Variants in FAT3 observed in about 807,000 individuals in gnomAD.
FAT3 encodes protocadherin Fat 3.
In FAT3, 95 loss-of-function variants were observed where a neutral mutation model predicts 310.2. The observed-to-expected ratio is 0.31, with a 90% CI of 0.26 to 0.36. FAT3 has a LOEUF of 0.36. Ranked by LOEUF, FAT3 falls within the 10% of genes least tolerant of loss-of-function variation. The pLI, the probability that FAT3 is intolerant of heterozygous loss-of-function variation, is 1.00. For synonymous variants in FAT3, 2,314 were observed against 2,192.9 expected (o/e 1.06, Z -1.54); for missense variants, 5,408 against 5,715.6 (o/e 0.95, Z 1.74).
At chr11:92,315,489 A>ATT (rs1947421907) in intron 1 of FAT3, among the ~76,000 whole-genome samples, 1 of 72,256 alleles carries the variant, frequency 1.4e-5, no homozygotes, top group Non-Finnish European at 2.7e-5. Flanking sequence ...GTATATATAT[A>ATT]TATATATATA....
chr11:92,854,328 C>A (rs560460496), intron 19 of FAT3, among the ~76,000 whole-genome samples: 1 of 152,220 alleles, frequency 6.6e-6, no homozygotes, highest in South Asian at 2.1e-4. Flanking sequence ...TCCAAGAGTG[C>A]AGGGATGCCC....
At chr11:92,626,269 A>G (rs921639731) in intron 3 of FAT3, among the ~76,000 whole-genome samples, 5 of 152,216 alleles carry the variant, frequency 3.3e-5, no homozygotes, top group South Asian at 2.1e-4. Flanking sequence ...GATAATTGAG[A>G]TAATAGTTTC....
At chr11:92,506,838 T>C (rs1371609843) in intron 2 of FAT3, among the ~76,000 whole-genome samples, 1 of 152,186 alleles carries the variant, frequency 6.6e-6, no homozygotes, top group Non-Finnish European at 1.5e-5. Context: ...CAGCTTACGA[T>C]CACTAAGCAC....
chr11:92,230,114 A>C (rs1726030289), intron 1 of FAT3, among the ~76,000 whole-genome samples: 1 of 152,162 alleles, frequency 6.6e-6, no homozygotes, highest in African/African-American at 2.4e-5. Flanking sequence ...CTGCTCTTCC[A>C]GGGTTCCAAA....
chr11:92,561,855 G>A (rs1479152179), intron 3 of FAT3, among the ~76,000 whole-genome samples: 1 of 151,994 alleles, frequency 6.6e-6, no homozygotes, highest in Admixed American at 6.6e-5. Flanking sequence ...CGAACACCTG[G>A]CCTCAAGTGA....
intron 3 of FAT3, among the ~76,000 whole-genome samples, chr11:92,604,121 G>A (rs1940162920): frequency 6.6e-6 from 1 of 152,170 alleles, no homozygotes; most frequent in Non-Finnish European, 1.5e-5. Flanking sequence ...TCTTTTGTGA[G>A]TGCCCATCAG....
intron 3 of FAT3, among the ~76,000 whole-genome samples, chr11:92,612,388 G>C (rs754301081): frequency 1.3e-5 from 2 of 152,202 alleles, no homozygotes; most frequent in Non-Finnish European, 2.9e-5. Flanking sequence ...AGAAGAATAA[G>C]AGAATGTTGG....
chr11:92,796,764 A>G (rs952110811), intron 9 of FAT3, among the ~76,000 whole-genome samples: 1 of 152,182 alleles, frequency 6.6e-6, no homozygotes, highest in Non-Finnish European at 1.5e-5. Flanking sequence ...CAGCTCTGTC[A>G]CCACCTACCT....
At chr11:92,511,142 A>G (rs1216341434) in intron 2 of FAT3, among the ~76,000 whole-genome samples, 1 of 152,214 alleles carries the variant, frequency 6.6e-6, no homozygotes, top group Non-Finnish European at 1.5e-5. Context: ...TGAGGATATT[A>G]TCATGACTCC....
Position 92,734,710 on chromosome 11 carries a change from A to G in FAT3, c.3670-27146A>G, listed in dbSNP as rs575741681. ...TCAGGGAGAAAAAGGAACAATGTAT[A>G]TATTCCAGAGAGAAGGAACAAGGTG... On this transcript the variant is annotated intron_variant, in intron 4 of 27. Transcript: ENST00000525166. Among the ~76,000 whole-genome samples, 59 of 152,308 alleles carry G rather than the reference A, an allele frequency of 3.9e-4. 1 individual carries two copies. Among genetic ancestry groups the G allele is most frequent in the Non-Finnish European group, 7.8e-4 (53 of 68,030 alleles).
intron 4 of FAT3, among the ~76,000 whole-genome samples, chr11:92,708,460 G>A (rs532862897): frequency 9.9e-5 from 15 of 152,234 alleles, no homozygotes; most frequent in African/African-American, 2.6e-4. Flanking sequence ...CTAAACCTCC[G>A]TCTCTTTACC....
intron 3 of FAT3, among the ~76,000 whole-genome samples, chr11:92,620,897 T>A (rs1941055834): frequency 6.6e-6 from 1 of 152,186 alleles, no homozygotes; most frequent in Non-Finnish European, 1.5e-5. Flanking sequence ...TTTTCCTGGA[T>A]TGCAGAGAGC....
At chr11:92,315,489 A>ATATATT (rs1947421996) in intron 1 of FAT3, among the ~76,000 whole-genome samples, 1 of 72,256 alleles carries the variant, frequency 1.4e-5, no homozygotes, top group Admixed American at 1.5e-4. Context: ...GTATATATAT[A>ATATATT]TATATATATA....
intron 4 of FAT3, among the ~76,000 whole-genome samples, chr11:92,724,886 G>A (rs113574902): frequency 1.1e-4 from 16 of 152,262 alleles, no homozygotes; most frequent in African/African-American, 3.6e-4. Flanking sequence ...TTACAGTGGC[G>A]TGGTTACTTC....
At chr11:92,867,667 CCTTACTAGAAGCTAAAG>C (rs1949283048) in intron 22 of FAT3, among the ~76,000 whole-genome samples, 2 of 152,088 alleles carry the variant, frequency 1.3e-5, no homozygotes, top group South Asian at 2.1e-4. Flanking sequence ...AGACTTACAA[CCTTACTAGAAGCTAAAG>C]CTTACTAGAA....
In FAT3 at chr11:92,801,631, G is replaced by A; in HGVS notation, c.8618G>A (p.Gly2873Asp). The change falls in exon 10 of 28, where the codon GGC becomes GAC. Residue 2873 changes from glycine (G) to aspartate (D), a missense_variant. By Grantham distance (94) the Gly-to-Asp change is moderately conservative (BLOSUM62 -1). This residue lies in a region of FAT3 where 4,588 missense variants were observed against 4,809.8 expected (regional missense o/e 0.95). Transcript: ENST00000525166. ...MEAFNIDSNT[G>D]WISTLKDLDH... ...GCATTCAATATTGACAGCAACACGG[G>A]CTGGATCAGTACCTTGAAGGACCTA... 6.2e-7 allele frequency: 1 copy of A among 1,613,724 alleles called. No individual in the cohort carries two copies. Among genetic ancestry groups the A allele is most frequent in the Non-Finnish European group, 8.5e-7 (1 of 1,179,808 alleles).
At chr11:92,390,150 T>C (rs1207816554) in intron 2 of FAT3, among the ~76,000 whole-genome samples, 1 of 152,126 alleles carries the variant, frequency 6.6e-6, no homozygotes, top group African/African-American at 2.4e-5. Flanking sequence ...AAAAATAAAG[T>C]TCTTGTAAAG....
chr11:92,867,094 C>T lies in FAT3; in HGVS notation c.12012C>T (p.Ser4004=), dbSNP rs963711738. 6.3e-7 allele frequency: 1 copy of T among 1,598,728 alleles called. No homozygotes were observed. The highest frequency in any genetic ancestry group is 8.5e-7 in the Non-Finnish European group (1 of 1,173,186). ...NELPLQNKRS[S]FAEVVGLTEL... ...TGCCGCTGCAGAACAAGCGCAGCAG[C>T]TTCGCGGAGGTGGTGGGCCTGACGG... Residue 4004 remains serine, a synonymous_variant, in exon 22 of 28, where the codon AGC becomes AGT. Coordinates refer to ENST00000525166, the MANE Select transcript of FAT3 (RefSeq NM_001367949.2).
intron 2 of FAT3, among the ~76,000 whole-genome samples, chr11:92,435,644 C>A (rs1159338676): frequency 6.7e-6 from 1 of 149,912 alleles, no homozygotes; most frequent in Non-Finnish European, 1.5e-5. Flanking sequence ...TGGCTCATTG[C>A]GACCTCTGCC....
Sources: gnomAD v4.1 joint callset for allele counts (sites outside exome capture counted in the v4.1 genomes callset) on GRCh38, gnomAD v4.1.1 for gene constraint, gnomAD v4.1.1 regional missense constraint, MANE v1.5 for transcripts, NCBI Gene and HGNC (gene_info 2026-07-23, HGNC 2026-07-21) for gene names.